CDH13: variants seen among roughly 807,000 people sequenced by gnomAD.
CDH13 encodes the protein cadherin 13.
Under a neutral mutation model 63.8 loss-of-function variants are expected in CDH13, and 24 were observed. The observed-to-expected ratio is 0.38, with a 90% CI of 0.27 to 0.53. CDH13 has a LOEUF of 0.53. Ranked by LOEUF, CDH13 falls within the 20% of genes least tolerant of loss-of-function variation. The pLI is 0.85. For synonymous variants in CDH13, 503 were observed against 355.3 expected, an observed-to-expected ratio of 1.42 and a Z score of -4.67; for missense variants, 1,049 against 903.1, an observed-to-expected ratio of 1.16 and a Z score of -2.07.
intron 6 of CDH13, among the ~76,000 whole-genome samples, chr16:83,453,355 A>C (rs2072933625): frequency 6.6e-6 from 1 of 152,184 alleles, no homozygotes; most frequent in African/African-American, 2.4e-5. Flanking sequence ...TGTTCCCCAA[A>C]AACCTATGGA....
chr16:83,709,046 A>T (rs1907593858), intron 10 of CDH13, among the ~76,000 whole-genome samples: 1 of 152,164 alleles, frequency 6.6e-6, no homozygotes, highest in Admixed American at 6.5e-5. Flanking sequence ...TAAAAAATAA[A>T]AATTAAATTA....
chr16:82,785,962 C>A (rs1046217730), intron 1 of CDH13, among the ~76,000 whole-genome samples: 1 of 152,174 alleles, frequency 6.6e-6, no homozygotes, highest in Admixed American at 6.5e-5. Flanking sequence ...CTGTGTGGTT[C>A]CCCTGTTGGC....
At chr16:83,284,999 C>T (rs939239417) in intron 5 of CDH13, among the ~76,000 whole-genome samples, 7 of 152,150 alleles carry the variant, frequency 4.6e-5, no homozygotes, top group Non-Finnish European at 8.8e-5. Flanking sequence ...TCTCCCTGCA[C>T]AAATGTTAAC....
intron 10 of CDH13, among the ~76,000 whole-genome samples, chr16:83,733,733 G>A (rs907179370): frequency 6.6e-6 from 1 of 152,164 alleles, no homozygotes; most frequent in African/African-American, 2.4e-5. Flanking sequence ...ATACAGAGGG[G>A]TGATTAACTT....
rs185633342 is a variant in CDH13 at position 83,706,663 on chromosome 16, A to T, written c.1538+28202A>T. On this transcript the variant is annotated intron_variant, in intron 10 of 13. Coordinates refer to ENST00000567109, the MANE Select transcript of CDH13 (RefSeq NM_001257.5). ...TTGCAAGCCATGGAAACCAAACCTTATGAAGAGAAGAAAACACATATGCAG... is the reference window on the plus strand; with the variant it reads ...TTGCAAGCCATGGAAACCAAACCTTTTGAAGAGAAGAAAACACATATGCAG... 3.3e-5 allele frequency among the ~76,000 whole-genome samples: 5 copies of T among 152,292 alleles called. No homozygotes were observed. The East Asian group carries it at 9.7e-4, about 29-fold the overall frequency.
chr16:83,477,439 T>G (rs2073634032), intron 6 of CDH13, among the ~76,000 whole-genome samples: 1 of 152,196 alleles, frequency 6.6e-6, no homozygotes, highest in Admixed American at 6.5e-5. Context: ...TGTCCCAAAA[T>G]TTAAGGCATT....
chr16:83,057,814 G>A (rs2031102526), intron 3 of CDH13, among the ~76,000 whole-genome samples: 1 of 152,162 alleles, frequency 6.6e-6, no homozygotes, highest in African/African-American at 2.4e-5. Flanking sequence ...ACCAGAGTGT[G>A]CTTCCAGCAC....
chr16:82,816,803 C>CGG (rs369140283), intron 1 of CDH13, among the ~76,000 whole-genome samples: 9 of 122,318 alleles, frequency 7.4e-5, no homozygotes, highest in African/African-American at 2.9e-4. Flanking sequence ...CTAGAAACTT[C>CGG]GGGGGGCGGG....
chr16:83,288,354 T>C (rs74672927), intron 5 of CDH13, among the ~76,000 whole-genome samples: 3,806 of 152,262 alleles, frequency 0.025, 101 homozygotes, highest in African/African-American at 0.057. Flanking sequence ...GCAAAGAGGT[T>C]AAATGACTAG....
chr16:82,835,597 G>A (rs894049306), intron 1 of CDH13, among the ~76,000 whole-genome samples: 29 of 152,180 alleles, frequency 1.9e-4, no homozygotes, highest in Admixed American at 1.8e-3. Context: ...TATTTAACAC[G>A]CCAGGGGCAG....
chr16:82,894,891 C>T (rs943338561), intron 2 of CDH13, among the ~76,000 whole-genome samples: 2 of 152,026 alleles, frequency 1.3e-5, no homozygotes, highest in Admixed American at 6.6e-5. Flanking sequence ...TGAGAAATGC[C>T]AAGAAGGAAG....
chr16:83,135,939 T>C (rs570726557), intron 4 of CDH13, among the ~76,000 whole-genome samples: 8 of 152,226 alleles, frequency 5.3e-5, no homozygotes, highest in African/African-American at 1.9e-4. Context: ...CCAAACATCA[T>C]ATGTCCCCAC....
chr16:83,227,973 A>G (rs1193630254), intron 5 of CDH13, among the ~76,000 whole-genome samples: 1 of 152,160 alleles, frequency 6.6e-6, no homozygotes, highest in Non-Finnish European at 1.5e-5. Flanking sequence ...TGTGACGATC[A>G]GGTGGCCCTA....
intron 6 of CDH13, chr16:83,396,679 C>G (rs1156922556): frequency 6.6e-6 from 1 of 152,050 alleles, no homozygotes; most frequent in African/African-American, 2.4e-5. Context: ...CATGGCTTTT[C>G]TGAAGATAAG....
In CDH13 at chr16:82,858,418, A is replaced by C. The variant is rs960013458; in HGVS notation, c.102A>C (p.Lys34Asn). 1.9e-6 allele frequency: 3 copies of C among 1,613,894 alleles called. No individual in the cohort carries two copies. The highest frequency in any genetic ancestry group is 1.7e-6 in the Non-Finnish European group (2 of 1,179,762). ...ACTGCACTCCTGGATTTCAGCAGAA[A>C]GTGTTCCATATCAATCAGCCAGCTG... ...DLDCTPGFQQKVFHINQPAEF... is the reference protein window; with the variant it reads ...DLDCTPGFQQNVFHINQPAEF... Residue 34 changes from lysine to asparagine, a missense_variant, in exon 2 of 14, where the codon AAA (lysine) becomes AAC (asparagine). Physicochemically the swap from Lys to Asn is moderately conservative, Grantham distance 94. Transcript: ENST00000567109.
chr16:83,100,228 G>T lies in CDH13; in HGVS notation c.367-25157G>T, dbSNP rs530316080. 3.3e-5 allele frequency among the ~76,000 whole-genome samples: 5 copies of T among 152,264 alleles called. No individual in the cohort carries two copies. The East Asian group carries it at 9.6e-4, about 29-fold the overall frequency. ...TGCCTCATGGATCTTATGTATGGGG[G>T]TGGGGGAGACAAACAAAAATAATAT... On this transcript the variant is annotated intron_variant, in intron 3 of 13. Transcript: ENST00000567109.
At chr16:83,371,535 A>T (rs1172268469) in intron 6 of CDH13, among the ~76,000 whole-genome samples, 1 of 152,186 alleles carries the variant, frequency 6.6e-6, no homozygotes, top group Non-Finnish European at 1.5e-5. Flanking sequence ...CATAGAGGTG[A>T]TCTTTTATAA....
chr16:83,411,142 C>A (rs1287486681), intron 6 of CDH13, among the ~76,000 whole-genome samples: 1 of 152,184 alleles, frequency 6.6e-6, no homozygotes, highest in Non-Finnish European at 1.5e-5. Flanking sequence ...AAGGTGCCAA[C>A]CTCATTCCTG....
intron 3 of CDH13, among the ~76,000 whole-genome samples, chr16:83,066,455 C>A (rs1036600290): frequency 6.6e-6 from 1 of 152,166 alleles, no homozygotes; most frequent in African/African-American, 2.4e-5. Context: ...GGCCTTCTGA[C>A]CGAGGACCTC....
Sources: gnomAD v4.1 joint callset for allele counts (sites outside exome capture counted in the v4.1 genomes callset) on GRCh38, gnomAD v4.1.1 for gene constraint, MANE v1.5 for transcripts, NCBI Gene and HGNC (gene_info 2026-07-23, HGNC 2026-07-21) for gene names.